PCDHGA2: variants seen among roughly 807,000 people sequenced by gnomAD.
PCDHGA2 encodes protocadherin gamma-A2.
A neutral mutation model predicts 59.2 loss-of-function variants in PCDHGA2; 40 were observed. The observed-to-expected ratio is 0.68, with a 90% CI of 0.52 to 0.88. PCDHGA2 has a LOEUF of 0.88. Ranked by LOEUF, PCDHGA2 falls within the 40% of genes least tolerant of loss-of-function variation. The probability of loss-of-function intolerance (pLI) is 0.00; values close to 1 mark genes in which losing one functional copy is unlikely to be tolerated. For missense variants in PCDHGA2, 1,226 were observed against 1,204.0 expected, an observed-to-expected ratio of 1.02 and a Z score of -0.27; for synonymous variants, 560 against 526.0, an observed-to-expected ratio of 1.06 and a Z score of -0.89.
At chr5:141,379,296 G>T (rs537053500) in intron 1 of PCDHGA2, 18 of 152,178 alleles carry the variant, frequency 1.2e-4, no homozygotes, top group African/African-American at 4.1e-4. Flanking sequence ...GTTTCCAAAG[G>T]TATATACCTA....
intron 2 of PCDHGA2, among the ~76,000 whole-genome samples, chr5:141,499,099 C>T (rs1031964059): frequency 1.3e-5 from 2 of 152,156 alleles, no homozygotes; most frequent in Non-Finnish European, 2.9e-5. Context: ...ACATGCTTCT[C>T]CTCCCCACCA....
chr5:141,498,814 T>G (rs2099785952), intron 2 of PCDHGA2, among the ~76,000 whole-genome samples: 1 of 151,956 alleles, frequency 6.6e-6, no homozygotes. Flanking sequence ...ACACCTGTAG[T>G]CCCAGCTACT....
chr5:141,423,169 C>T (rs747206648), intron 1 of PCDHGA2: 4 of 1,613,460 alleles, frequency 2.5e-6, no homozygotes, highest in Admixed American at 3.3e-5. Flanking sequence ...GGTGGCCGTC[C>T]AGGACCACGG....
Position 141,422,952 on chromosome 5 carries a change from C to T in PCDHGA2, c.2425-71855C>T, listed in dbSNP as rs759618535. 11 of 1,614,254 alleles carry T rather than the reference C, an allele frequency of 6.8e-6. No homozygotes were observed. The East Asian group carries it at 2.0e-4, about 29-fold the overall frequency. On this transcript the variant is annotated intron_variant, in intron 1 of 3. Coordinates refer to ENST00000394576, the MANE Select transcript of PCDHGA2 (RefSeq NM_018915.4). ...CCCTCCCCACAGACGGCTCCACTGG[C>T]GTGGAGCTGGCGCCCCGCTCTGCGG...
intron 1 of PCDHGA2, chr5:141,415,448 C>T (rs2095870056): frequency 6.2e-7 from 1 of 1,614,052 alleles, no homozygotes; most frequent in African/African-American, 1.3e-5. Flanking sequence ...CAGACCTATT[C>T]CCACGAGGTC....
Position 141,490,748 on chromosome 5 carries a change from C to A in PCDHGA2, c.2425-4059C>A. 3.1e-6 allele frequency: 5 copies of A among 1,614,168 alleles called. No individual in the cohort carries two copies. Among genetic ancestry groups the A allele is most frequent in the Non-Finnish European group, 3.4e-6 (4 of 1,180,006 alleles). ...GGAAATCAGGTTCAGGGAGCCCCAGCCTCCTCCTTTGTGTATGTCAACCCA... is the reference window on the plus strand; with the variant it reads ...GGAAATCAGGTTCAGGGAGCCCCAGACTCCTCCTTTGTGTATGTCAACCCA... On this transcript the variant is annotated intron_variant, in intron 1 of 3. Transcript: ENST00000394576. This position sits in a 1 kb window ranked among gnomAD's most constrained non-coding sequence, Gnocchi z 5.4.
At chr5:141,393,297 G>T (rs376887343) in intron 1 of PCDHGA2, 3 of 1,613,934 alleles carry the variant, frequency 1.9e-6, no homozygotes, top group Non-Finnish European at 1.7e-6. Context: ...TGACCCGGAT[G>T]TGGGCGTGAA....
Position 141,370,976 on chromosome 5 carries a change from A to G in PCDHGA2, c.2424+29581A>G, listed in dbSNP as rs985937700. ...TGGATGGCAGTAGGTACCCAGAGCT[A>G]GTACTGAAAGCACCCCTGGACAGGG... On this transcript the variant is annotated intron_variant, in intron 1 of 3. Coordinates refer to ENST00000394576, the MANE Select transcript of PCDHGA2 (RefSeq NM_018915.4). The G allele has an allele frequency of 5.0e-6, 8 of 1,613,914 alleles. No homozygotes were observed. The Admixed American group carries it at 1.0e-4, about 20-fold the overall frequency.
At chr5:141,423,841 T>A (rs1413277726) in intron 1 of PCDHGA2, 15 of 1,282,014 alleles carry the variant, frequency 1.2e-5, no homozygotes, top group Non-Finnish European at 1.4e-5. Context: ...ATTACGATAA[T>A]CTTTCAGAAC....
rs539892249 is a variant in PCDHGA2 at position 141,500,355 on chromosome 5, C to T, written c.2484-5038C>T. ...TCCAGAATAGCTGGGACTACAGGCG[C>T]CCACTACCACGCCCGGCTAATTATT... On this transcript the variant is annotated intron_variant, in intron 2 of 3. Coordinates refer to ENST00000394576, the MANE Select transcript of PCDHGA2 (RefSeq NM_018915.4). Among the ~76,000 whole-genome samples, 274 of 152,030 alleles carry T rather than the reference C, an allele frequency of 1.8e-3. 2 individuals are homozygous for T. The highest frequency in any genetic ancestry group is 6.3e-3 in the African/African-American group (263 of 41,478).
chr5:141,355,157 C>T (rs1220655708), intron 1 of PCDHGA2: 1 of 1,555,036 alleles, frequency 6.4e-7, no homozygotes, highest in Non-Finnish European at 8.7e-7. Context: ...CAGGCCTCGA[C>T]AGAGGGAAAA....
intron 1 of PCDHGA2, among the ~76,000 whole-genome samples, chr5:141,470,624 A>G (rs1421700811): frequency 6.6e-6 from 1 of 152,220 alleles, no homozygotes; most frequent in Non-Finnish European, 1.5e-5. Flanking sequence ...TCATGCTTAG[A>G]TAGGCCCCCT....
In PCDHGA2 at chr5:141,370,866, C is replaced by A. The variant is rs770980502; in HGVS notation, c.2424+29471C>A. On this transcript the variant is annotated intron_variant, in intron 1 of 3. Transcript: ENST00000394576. ...AGCCACATTTGCCCTGGAATCTGCG[C>A]AAGATCCTGATGTAGGTGTCAATTC... 14 of 1,614,050 alleles carry A rather than the reference C, an allele frequency of 8.7e-6. No homozygotes were observed. In the Admixed American group the frequency reaches 2.3e-4, roughly 27 times the overall value.
chr5:141,377,109 G>A (rs1437857373), intron 1 of PCDHGA2: 2 of 152,368 alleles, frequency 1.3e-5, no homozygotes, highest in Admixed American at 1.3e-4. Flanking sequence ...TCAAAAGAAT[G>A]TTCTGAAGTC....
chr5:141,414,210 T>G (rs1252033650), intron 1 of PCDHGA2: 1 of 1,612,706 alleles, frequency 6.2e-7, no homozygotes, highest in Admixed American at 1.7e-5. Context: ...AAGATGTAAA[T>G]GACAACAGTC....
intron 1 of PCDHGA2, chr5:141,427,254 G>A (rs1013561568): frequency 1.8e-5 from 8 of 456,644 alleles, no homozygotes; most frequent in Non-Finnish European, 2.6e-5. Flanking sequence ...GGATGGTGGA[G>A]GCATGACCAG....
intron 1 of PCDHGA2, among the ~76,000 whole-genome samples, chr5:141,472,863 G>A (rs2099301197): frequency 6.7e-6 from 1 of 149,994 alleles, no homozygotes. Context: ...GCACATGCCT[G>A]TATTCCCAGC....
chr5:141,404,676 T>G lies in PCDHGA2; in HGVS notation c.2424+63281T>G, dbSNP rs904942152. The stretch of plus-strand genomic sequence containing the variant: ...CTCCCCACTGATGGTTCTACTGGTG[T>G]GGAGCTGGCACCCCGCTCTGCAGAG... On this transcript the variant is annotated intron_variant, in intron 1 of 3. Transcript: ENST00000394576. 3.1e-6 allele frequency: 5 copies of G among 1,614,010 alleles called. No individual in the cohort carries two copies. In the African/African-American group the frequency reaches 6.7e-5, roughly 22 times the overall value.
chr5:141,351,338 A>G, intron 1 of PCDHGA2: 1 of 1,613,576 alleles, frequency 6.2e-7, no homozygotes, highest in South Asian at 1.1e-5. Context: ...AGACCTTGGA[A>G]CTGTAATAGC....
Sources: gnomAD v4.1 joint callset for allele counts (sites outside exome capture counted in the v4.1 genomes callset) on GRCh38, gnomAD v4.1.1 for gene constraint, Gnocchi (gnomAD v3.1) non-coding constraint, MANE v1.5 for transcripts, NCBI Gene and HGNC (gene_info 2026-07-23, HGNC 2026-07-21) for gene names.